Variants in SGCZ observed in about 807,000 individuals in gnomAD.
SGCZ encodes the protein zeta-sarcoglycan.
SGCZ carries 40 observed loss-of-function variants against 41.3 expected under a neutral mutation model. The ratio of observed to expected loss-of-function variants is 0.97; its 90% CI spans 0.75 to 1.26. The LOEUF (loss-of-function observed/expected upper bound fraction) is 1.26, where lower values mean the gene tolerates loss of function less well. Among genes scored for constraint, SGCZ ranks in the 50% most tolerant of loss-of-function variants. The pLI is 0.00. For missense variants in SGCZ, 552 were observed against 369.8 expected, an observed-to-expected ratio of 1.49 and a Z score of -4.04; for synonymous variants, 206 against 137.5, an observed-to-expected ratio of 1.50 and a Z score of -3.49.
At chr8:14,771,607 G>T (rs1401688835) in intron 1 of SGCZ, among the ~76,000 whole-genome samples, 1 of 151,892 alleles carries the variant, frequency 6.6e-6, no homozygotes, top group African/African-American at 2.4e-5. Context: ...ATAATGCATT[G>T]TACAACATAA....
At chr8:15,120,401 G>A (rs527829305) in intron 1 of SGCZ, among the ~76,000 whole-genome samples, 6 of 152,054 alleles carry the variant, frequency 3.9e-5, no homozygotes, top group African/African-American at 1.5e-4. Flanking sequence ...ATATAGCTCA[G>A]CTTGGGGCTA....
intron 2 of SGCZ, among the ~76,000 whole-genome samples, chr8:14,373,504 C>T (rs1803987464): frequency 6.6e-6 from 1 of 152,042 alleles, no homozygotes; most frequent in Admixed American, 6.6e-5. Context: ...AGACTCCTCA[C>T]CCAAGTCTCT....
At chr8:15,020,578 G>C (rs1055408177) in intron 1 of SGCZ, among the ~76,000 whole-genome samples, 1 of 152,050 alleles carries the variant, frequency 6.6e-6, no homozygotes, top group Non-Finnish European at 1.5e-5. Flanking sequence ...TTGCACTTTT[G>C]AAGTCACCTC....
At chr8:14,427,088 G>GTGAATGAATGAATGAGTGAA (rs1563322085) in intron 2 of SGCZ, among the ~76,000 whole-genome samples, 86 of 117,732 alleles carry the variant, frequency 7.3e-4, no homozygotes, top group Non-Finnish European at 4.7e-5. Flanking sequence ...GAATGAATGA[G>GTGAATGAATGAATGAGTGAA]TGAATGAATG....
rs182874284 is a variant in SGCZ at position 14,911,753 on chromosome 8, A to G, written c.39+325832T>C. On this transcript the variant is annotated intron_variant, in intron 1 of 7. Coordinates refer to ENST00000382080, the MANE Select transcript of SGCZ (RefSeq NM_139167.4). ...TATTTATATATATGAATATATGATT[A>G]CCATTTTTACCTCTTTCAATCTATT... 2.4e-3 allele frequency among the ~76,000 whole-genome samples: 366 copies of G among 152,052 alleles called. 1 individual carries two copies. The highest frequency in any genetic ancestry group is 4.1e-3 in the Non-Finnish European group (278 of 67,854).
chr8:14,215,908 G>C (rs370334996), intron 4 of SGCZ, among the ~76,000 whole-genome samples: 3 of 152,338 alleles, frequency 2.0e-5, no homozygotes, highest in Admixed American at 6.5e-5. Context: ...AAAGACAGAT[G>C]AAGGAATGCA....
intron 5 of SGCZ, among the ~76,000 whole-genome samples, chr8:14,152,774 T>C (rs1803750852): frequency 6.6e-6 from 1 of 152,078 alleles, no homozygotes; most frequent in African/African-American, 2.4e-5. Flanking sequence ...TAGAAACAAC[T>C]CAGATGTTCC....
chr8:14,153,839 G>C (rs1803788001), intron 5 of SGCZ, among the ~76,000 whole-genome samples: 1 of 151,936 alleles, frequency 6.6e-6, no homozygotes, highest in South Asian at 2.1e-4. Flanking sequence ...ATGAGGATGG[G>C]GTCCTCTTGA....
intron 1 of SGCZ, among the ~76,000 whole-genome samples, chr8:15,035,600 C>A (rs1803847223): frequency 6.6e-6 from 1 of 152,016 alleles, no homozygotes; most frequent in Non-Finnish European, 1.5e-5. Flanking sequence ...TGCTGCCTAC[C>A]AGAGACCTAA....
intron 1 of SGCZ, among the ~76,000 whole-genome samples, chr8:14,984,966 A>T (rs1306641160): frequency 1.3e-5 from 2 of 152,124 alleles, no homozygotes; most frequent in Admixed American, 1.3e-4. Context: ...TGTAGATTCC[A>T]ACAACAACAG....
intron 1 of SGCZ, among the ~76,000 whole-genome samples, chr8:14,569,466 C>A (rs1019689289): frequency 3.9e-5 from 6 of 152,134 alleles, no homozygotes; most frequent in African/African-American, 1.4e-4. Context: ...TTTCAAAACA[C>A]AAATATCATG....
rs997970032 is a variant in SGCZ at position 14,418,384 on chromosome 8, C to A, written c.235-94180G>T. Among the ~76,000 whole-genome samples the A allele has an allele frequency of 3.3e-5, 5 of 151,800 alleles. No individual in the cohort carries two copies. In the South Asian group the frequency reaches 1.0e-3, roughly 31 times the overall value. ...ATTCACTTATTCAAGAAAGGGGATT[C>A]CTGAGAGATAACCAAAAGATAGAAT... On this transcript the variant is annotated intron_variant, in intron 2 of 7. Coordinates refer to ENST00000382080, the MANE Select transcript of SGCZ (RefSeq NM_139167.4).
Position 14,830,449 on chromosome 8 carries a change from T to A in SGCZ, c.40-275523A>T, listed in dbSNP as rs186025053. ...TTTAAAGAGTCTGAATCATTCTTTATTCTTCCTCTTTCTTTCTCTCTCTTT... is the reference window on the plus strand; with the variant it reads ...TTTAAAGAGTCTGAATCATTCTTTAATCTTCCTCTTTCTTTCTCTCTCTTT... On this transcript the variant is annotated intron_variant, in intron 1 of 7. Transcript: ENST00000382080. Among the ~76,000 whole-genome samples, 4 of 152,344 alleles carry A rather than the reference T, an allele frequency of 2.6e-5. No individual in the cohort carries two copies. The East Asian group carries it at 7.7e-4, about 29-fold the overall frequency.
intron 4 of SGCZ, among the ~76,000 whole-genome samples, chr8:14,223,811 ACT>A (rs1806283872): frequency 6.6e-6 from 1 of 152,182 alleles, no homozygotes; most frequent in African/African-American, 2.4e-5. Context: ...AAGTAGGGTA[ACT>A]CTGAATAAAA....
chr8:14,537,783 T>C (rs958543851), intron 2 of SGCZ, among the ~76,000 whole-genome samples: 1 of 151,902 alleles, frequency 6.6e-6, no homozygotes, highest in African/African-American at 2.4e-5. Context: ...ATAAAATGTG[T>C]TTGTGAACGC....
intron 1 of SGCZ, among the ~76,000 whole-genome samples, chr8:14,658,084 C>T (rs1051148965): frequency 2.0e-5 from 3 of 152,118 alleles, no homozygotes; most frequent in African/African-American, 7.2e-5. Context: ...ATGCCATGTC[C>T]ATCTTCATGC....
intron 1 of SGCZ, among the ~76,000 whole-genome samples, chr8:14,669,098 G>A (rs922684133): frequency 4.6e-5 from 7 of 151,976 alleles, no homozygotes; most frequent in African/African-American, 1.7e-4. Flanking sequence ...ATTTTGGGAG[G>A]CTTAGGCAGG....
intron 2 of SGCZ, among the ~76,000 whole-genome samples, chr8:14,337,597 G>T (rs1257347046): frequency 1.3e-5 from 2 of 152,084 alleles, no homozygotes; most frequent in Non-Finnish European, 2.9e-5. Context: ...TATGGCAGAT[G>T]GTGAAAAAGA....
chr8:14,760,865 C>T (rs1042521672), intron 1 of SGCZ, among the ~76,000 whole-genome samples: 8 of 152,060 alleles, frequency 5.3e-5, no homozygotes, highest in Non-Finnish European at 1.2e-4. Context: ...TTTCCTTTTT[C>T]ATGTGTGTGA....
Sources: allele counts gnomAD v4.1 joint callset (sites outside exome capture counted in the v4.1 genomes callset), GRCh38; gene constraint gnomAD v4.1.1; transcripts MANE v1.5; gene names NCBI Gene and HGNC (gene_info 2026-07-23, HGNC 2026-07-21).